The following MTFR1 variants were observed in gnomAD, a reference collection of about 807,000 sequenced individuals.
MTFR1 encodes chondrocyte protein with a poly-proline region.
MTFR1 carries 28 observed loss-of-function variants against 38.8 expected under a neutral mutation model. The ratio of observed to expected loss-of-function variants is 0.72; its 90% CI spans 0.53 to 0.99. The LOEUF (loss-of-function observed/expected upper bound fraction) is 0.99. Ranked by LOEUF, MTFR1 falls within the 50% of genes least tolerant of loss-of-function variation. The pLI, the probability that MTFR1 is intolerant of heterozygous loss-of-function variation, is 0.00. For missense variants in MTFR1, 358 were observed against 395.5 expected, an observed-to-expected ratio of 0.91 and a Z score of 0.81; for synonymous variants, 145 against 137.0, an observed-to-expected ratio of 1.06 and a Z score of -0.41.
intron 2 of MTFR1, among the ~76,000 whole-genome samples, chr8:65,680,376 G>C (rs917424163): frequency 6.6e-6 from 1 of 152,018 alleles, no homozygotes; most frequent in Non-Finnish European, 1.5e-5. Flanking sequence ...AAGACCCCAG[G>C]CTGGTCTCAA....
At chr8:65,764,712 C>A (rs547905586) in intron 3 of MTFR1, among the ~76,000 whole-genome samples, 1 of 152,078 alleles carries the variant, frequency 6.6e-6, no homozygotes, top group African/African-American at 2.4e-5. Flanking sequence ...GAAACATCTT[C>A]TTTCATGTCA....
At chr8:65,684,561 T>G (rs1585775823) in intron 3 of MTFR1, among the ~76,000 whole-genome samples, 1 of 151,750 alleles carries the variant, frequency 6.6e-6, no homozygotes, top group African/African-American at 2.4e-5. Flanking sequence ...AATTTTGTAT[T>G]TTTAATAGAG....
intron 3 of MTFR1, chr8:65,689,709 T>C (rs1204351940): frequency 1.6e-6 from 1 of 633,268 alleles, no homozygotes; most frequent in African/African-American, 1.9e-5. Context: ...TCACCTTGAC[T>C]TGTACTTTAC....
chr8:65,768,871 G>A (rs2128919205), intron 3 of MTFR1, among the ~76,000 whole-genome samples: 1 of 152,202 alleles, frequency 6.6e-6, no homozygotes, highest in South Asian at 2.1e-4. Context: ...ATACAAAAAG[G>A]TCAAGAATGC....
intron 3 of MTFR1, chr8:65,723,178 T>A (rs527911395): frequency 6.4e-6 from 1 of 156,262 alleles, no homozygotes; most frequent in African/African-American, 2.4e-5. Flanking sequence ...GGTCACCACC[T>A]ATCCATTTTT....
At chr8:65,663,822 C>CTTTTTTTTTTTTTTTTTT (rs1035579864) in intron 1 of MTFR1, among the ~76,000 whole-genome samples, 1 of 78,576 alleles carries the variant, frequency 1.3e-5, no homozygotes, top group East Asian at 3.9e-4. Flanking sequence ...AATTTCTTTT[C>CTTTTTTTTTTTTTTTTTT]TTTTTTTTTT....
chr8:65,712,296 G>A (rs752541099), downstream of MTFR1, among the ~76,000 whole-genome samples: 8 of 152,172 alleles, frequency 5.3e-5, no homozygotes, highest in Non-Finnish European at 1.0e-4. Context: ...CGCGGGGGCT[G>A]AGCTGTCCAG....
intron 1 of MTFR1, among the ~76,000 whole-genome samples, chr8:65,664,969 T>G (rs1321544286): frequency 6.9e-6 from 1 of 144,002 alleles, no homozygotes; most frequent in East Asian, 2.1e-4. Flanking sequence ...AGAGTCTTGC[T>G]CTGTCACCAG....
exon 3 of MTFR1, chr8:65,719,428 G>A (rs1038972503): frequency 1.2e-6 from 2 of 1,614,060 alleles, no homozygotes; most frequent in East Asian, 2.2e-5. Flanking sequence ...GCATTGTCTG[G>A]GATAGCCTTG....
chr8:65,748,696 T>A (rs1420398571), intron 3 of MTFR1, among the ~76,000 whole-genome samples: 1 of 152,202 alleles, frequency 6.6e-6, no homozygotes. Context: ...ATCAAACATA[T>A]TCTCTCTTGC....
chr8:65,749,644 C>T (rs1056222317), intron 3 of MTFR1, among the ~76,000 whole-genome samples: 1 of 152,168 alleles, frequency 6.6e-6, no homozygotes, highest in Non-Finnish European at 1.5e-5. Context: ...TCTCATTTAG[C>T]CATCAACAGC....
intron 2 of MTFR1, among the ~76,000 whole-genome samples, chr8:65,673,957 C>T (rs1563442076): frequency 6.6e-6 from 1 of 152,166 alleles, no homozygotes; most frequent in Non-Finnish European, 1.5e-5. Flanking sequence ...ATCATCAAAA[C>T]ATGACACAGA....
At chr8:65,754,625 A>G (rs867410949) in intron 3 of MTFR1, among the ~76,000 whole-genome samples, 66 of 147,748 alleles carry the variant, frequency 4.5e-4, no homozygotes, top group Middle Eastern at 3.4e-3. Context: ...CTGAGCCACC[A>G]TGCCCAGCCG....
chr8:65,747,537 C>A (rs1278957768), intron 3 of MTFR1: 8 of 569,388 alleles, frequency 1.4e-5, no homozygotes, highest in Non-Finnish European at 2.0e-5. Context: ...AAAATAGGCT[C>A]AACTGCTTTT....
intron 3 of MTFR1, among the ~76,000 whole-genome samples, chr8:65,744,431 A>G (rs951933784): frequency 4.6e-5 from 7 of 152,220 alleles, no homozygotes; most frequent in Non-Finnish European, 1.5e-5. Flanking sequence ...AATAAGAGTG[A>G]TTCCCTGTTC....
chr8:65,666,549 C>T (rs1453587247), intron 1 of MTFR1, among the ~76,000 whole-genome samples: 1 of 152,220 alleles, frequency 6.6e-6, no homozygotes, highest in Non-Finnish European at 1.5e-5. Context: ...CACTTATAAA[C>T]ATGTGACCCT....
At chr8:65,708,292 C>T in intron 7 of MTFR1, 1 of 507,604 alleles carries the variant, frequency 2.0e-6, no homozygotes, top group Non-Finnish European at 3.5e-6. Flanking sequence ...CAAAGTTAAC[C>T]CCTGAGCTCA....
intron 3 of MTFR1, among the ~76,000 whole-genome samples, chr8:65,740,403 C>T (rs1807362133): frequency 6.6e-6 from 1 of 151,952 alleles, no homozygotes; most frequent in African/African-American, 2.4e-5. Context: ...CTCAAGTTTC[C>T]TTTTCTTTCT....
At chr8:65,738,586 T>G (rs1807256538) in intron 3 of MTFR1, among the ~76,000 whole-genome samples, 2 of 152,000 alleles carry the variant, frequency 1.3e-5, no homozygotes, top group African/African-American at 4.8e-5. Context: ...TGCGCCACCA[T>G]GCCTGGGTAA....
Sources: gnomAD v4.1 joint callset for allele counts (sites outside exome capture counted in the v4.1 genomes callset) on GRCh38, gnomAD v4.1.1 for gene constraint, MANE v1.5 for transcripts, NCBI Gene and HGNC (gene_info 2026-07-23, HGNC 2026-07-21) for gene names.